Variants in GPM6A observed in about 807,000 individuals in gnomAD.
GPM6A encodes the protein glycoprotein M6A.
A neutral mutation model predicts 32.1 loss-of-function variants in GPM6A; 7 were observed. The observed-to-expected ratio is 0.22, with a 90% CI of 0.12 to 0.41. The LOEUF is 0.41. Among genes scored for constraint, GPM6A ranks in the 10% least tolerant of loss-of-function variants. The pLI is 1.00. For synonymous variants in GPM6A, 130 were observed against 123.4 expected, an observed-to-expected ratio of 1.05 and a Z score of -0.35; for missense variants, 235 against 347.2, an observed-to-expected ratio of 0.68 and a Z score of 2.57.
intron 1 of GPM6A, among the ~76,000 whole-genome samples, chr4:175,752,578 AC>A (rs1277902782): frequency 6.6e-6 from 1 of 152,190 alleles, no homozygotes; most frequent in East Asian, 1.9e-4. Context: ...GAAAAAGCCT[AC>A]AAGAAGACAT....
intron 1 of GPM6A, among the ~76,000 whole-genome samples, chr4:175,738,935 A>G (rs1560906160): frequency 2.0e-5 from 3 of 152,180 alleles, no homozygotes; most frequent in African/African-American, 7.2e-5. Flanking sequence ...TCAGTTTTTA[A>G]AACTCACAGC....
intron 1 of GPM6A, among the ~76,000 whole-genome samples, chr4:175,783,131 T>C (rs1252327949): frequency 6.6e-6 from 1 of 151,994 alleles, no homozygotes; most frequent in East Asian, 1.9e-4. Context: ...TTTAAAAAAG[T>C]AATTTAAAAA....
chr4:175,968,844 T>C (rs1740411539), intron 1 of GPM6A, among the ~76,000 whole-genome samples: 1 of 152,134 alleles, frequency 6.6e-6, no homozygotes, highest in Admixed American at 6.6e-5. Context: ...AGATGCAAAA[T>C]GGTACAGCCA....
intron 1 of GPM6A, among the ~76,000 whole-genome samples, chr4:175,834,460 A>G (rs1221322132): frequency 6.6e-6 from 1 of 152,202 alleles, no homozygotes; most frequent in Non-Finnish European, 1.5e-5. Flanking sequence ...GCCTATTCAC[A>G]GTTTGCATCT....
chr4:175,889,834 A>AAAAG (rs1226817516), intron 1 of GPM6A, among the ~76,000 whole-genome samples: 2 of 152,126 alleles, frequency 1.3e-5, no homozygotes, highest in East Asian at 3.9e-4. Flanking sequence ...AACAAAACAA[A>AAAAG]AAAGAAAGAA....
intron 1 of GPM6A, among the ~76,000 whole-genome samples, chr4:175,843,289 G>T (rs886637259): frequency 3.5e-4 from 54 of 152,176 alleles, no homozygotes; most frequent in African/African-American, 1.3e-3. Flanking sequence ...CATTAACTTT[G>T]GTTTCTCCAA....
intron 1 of GPM6A, among the ~76,000 whole-genome samples, chr4:175,761,682 T>G (rs1732750123): frequency 6.6e-6 from 1 of 152,106 alleles, no homozygotes; most frequent in Non-Finnish European, 1.5e-5. Flanking sequence ...CTGAGTAATG[T>G]CTCTCCATTG....
chr4:175,740,688 T>TTTG (rs1731854489), intron 1 of GPM6A, among the ~76,000 whole-genome samples: 1 of 152,098 alleles, frequency 6.6e-6, no homozygotes, highest in Non-Finnish European at 1.5e-5. Context: ...AGAAAATATT[T>TTTG]TTGTTTCATT....
intron 1 of GPM6A, among the ~76,000 whole-genome samples, chr4:175,708,499 C>A (rs1287724487): frequency 6.6e-6 from 1 of 152,008 alleles, no homozygotes; most frequent in Non-Finnish European, 1.5e-5. Flanking sequence ...GATTCTCCTG[C>A]CTCAGCCTCC....
intron 4 of GPM6A, among the ~76,000 whole-genome samples, chr4:175,647,215 C>T (rs1203090756): frequency 6.6e-6 from 1 of 152,180 alleles, no homozygotes; most frequent in Non-Finnish European, 1.5e-5. Flanking sequence ...TCTGTGTTGG[C>T]TCTTAAGTTT....
chr4:175,929,410 G>C (rs1008972730), intron 1 of GPM6A, among the ~76,000 whole-genome samples: 1 of 152,186 alleles, frequency 6.6e-6, no homozygotes, highest in African/African-American at 2.4e-5. Flanking sequence ...CTATTGCTCT[G>C]TTGTTACTCT....
intron 1 of GPM6A, among the ~76,000 whole-genome samples, chr4:175,933,253 A>G (rs1349632870): frequency 6.6e-6 from 1 of 152,170 alleles, no homozygotes; most frequent in Non-Finnish European, 1.5e-5. Flanking sequence ...GACACTCAAT[A>G]TCTCCAATCT....
intron 1 of GPM6A, among the ~76,000 whole-genome samples, chr4:175,841,521 A>C (rs1735934257): frequency 6.6e-6 from 1 of 152,208 alleles, no homozygotes; most frequent in African/African-American, 2.4e-5. Context: ...TTAAAATGAT[A>C]GGAAGTCTAT....
At chr4:175,887,420 C>T (rs1186043919) in intron 1 of GPM6A, among the ~76,000 whole-genome samples, 1 of 151,808 alleles carries the variant, frequency 6.6e-6, no homozygotes. Flanking sequence ...GCAGATTAAA[C>T]AGTACTGGAA....
intron 1 of GPM6A, among the ~76,000 whole-genome samples, chr4:175,868,503 A>G (rs1220476060): frequency 6.6e-6 from 1 of 152,174 alleles, no homozygotes; most frequent in Non-Finnish European, 1.5e-5. Flanking sequence ...TGCATCCGAC[A>G]CATTTTGACA....
At chr4:175,981,497 C>T (rs1446421096) in intron 1 of GPM6A, among the ~76,000 whole-genome samples, 3 of 152,040 alleles carry the variant, frequency 2.0e-5, no homozygotes, top group African/African-American at 7.2e-5. Flanking sequence ...GATTGATTGC[C>T]TTTAGAGTCT....
intron 1 of GPM6A, chr4:175,811,876 C>A (rs1579530052): frequency 9.6e-6 from 2 of 207,456 alleles, no homozygotes; most frequent in East Asian, 2.1e-4. Flanking sequence ...CTTGACCCAG[C>A]TCGGCAAGTG....
At chr4:175,757,160 G>A (rs1321394031) in intron 1 of GPM6A, among the ~76,000 whole-genome samples, 1 of 152,056 alleles carries the variant, frequency 6.6e-6, no homozygotes, top group East Asian at 1.9e-4. Flanking sequence ...GGTTATACAG[G>A]GGAGTGCTGC....
chr4:175,708,287 T>G (rs974099538), intron 1 of GPM6A, among the ~76,000 whole-genome samples: 2 of 152,108 alleles, frequency 1.3e-5, no homozygotes, highest in Non-Finnish European at 2.9e-5. Flanking sequence ...AGGGAAGGAA[T>G]AACTGTGATG....
Sources: allele counts gnomAD v4.1 joint callset (sites outside exome capture counted in the v4.1 genomes callset), GRCh38; gene constraint gnomAD v4.1.1; transcripts MANE v1.5; gene names NCBI Gene and HGNC (gene_info 2026-07-23, HGNC 2026-07-21).